The following EBF2 variants were observed in gnomAD, a reference collection of about 807,000 sequenced individuals.
EBF2 encodes transcription factor COE2.
A neutral mutation model predicts 72.8 loss-of-function variants in EBF2; 21 were observed. The ratio of observed to expected loss-of-function variants is 0.29; its 90% CI spans 0.20 to 0.42. The LOEUF is 0.42. Among genes scored for constraint, EBF2 ranks in the 10% least tolerant of loss-of-function variants. EBF2 has a pLI of 1.00. For synonymous variants in EBF2, 299 were observed against 274.2 expected, an observed-to-expected ratio of 1.09 and a Z score of -0.89; for missense variants, 637 against 731.2, an observed-to-expected ratio of 0.87 and a Z score of 1.49.
In EBF2 at chr8:25,982,256, C is replaced by T. The variant is rs190907646; in HGVS notation, c.551+50829G>A. Among the ~76,000 whole-genome samples the T allele has an allele frequency of 2.3e-4, 35 of 152,346 alleles. No homozygotes were observed. In the East Asian group the frequency reaches 5.2e-3, roughly 23 times the overall value. On this transcript the variant is annotated intron_variant, in intron 6 of 15. Coordinates refer to ENST00000520164, the MANE Select transcript of EBF2 (RefSeq NM_022659.4). ...CAATTCTGTGAGCTATTCCTTCAGA[C>T]ATTTGCTAAATGGGAAGTGGTGAGA...
At chr8:25,846,369 A>G (rs554478469) in intron 15 of EBF2, among the ~76,000 whole-genome samples, 1 of 152,158 alleles carries the variant, frequency 6.6e-6, no homozygotes, top group South Asian at 2.1e-4. Context: ...CTGTATGTGG[A>G]GCTCTCTGGC....
intron 7 of EBF2, among the ~76,000 whole-genome samples, chr8:25,895,561 C>T (rs1489562100): frequency 2.6e-5 from 4 of 152,294 alleles, no homozygotes; most frequent in South Asian, 4.1e-4. Context: ...TCTACAAGTA[C>T]GTTAGCAGTC....
chr8:25,933,251 C>T (rs187614309), intron 6 of EBF2, among the ~76,000 whole-genome samples: 1 of 152,312 alleles, frequency 6.6e-6, no homozygotes, highest in Non-Finnish European at 1.5e-5. Context: ...TAGGACATTG[C>T]TGGACTCTGA....
intron 6 of EBF2, among the ~76,000 whole-genome samples, chr8:25,919,267 C>T (rs934153840): frequency 1.3e-5 from 2 of 152,060 alleles, no homozygotes; most frequent in African/African-American, 4.8e-5. Context: ...AAATTCAGAG[C>T]AGGGTGGGAA....
At chr8:26,026,701 T>C (rs774728801) in intron 6 of EBF2, among the ~76,000 whole-genome samples, 7 of 152,184 alleles carry the variant, frequency 4.6e-5, no homozygotes, top group Non-Finnish European at 1.0e-4. Flanking sequence ...CCCCCTCCAG[T>C]GTTCCTATCA....
chr8:25,984,681 C>CA lies in EBF2; in HGVS notation c.551+48403dup, dbSNP rs200616204. ...TGGGCGACAGAGCAAGACTCCATCT[C>CA]AAAAAAAAAAAAGACCCATTTGCCT... On this transcript the variant is annotated intron_variant, in intron 6 of 15. Coordinates refer to ENST00000520164, the MANE Select transcript of EBF2 (RefSeq NM_022659.4). Among the ~76,000 whole-genome samples, 315 of 141,334 alleles carry CA rather than the reference C, an allele frequency of 2.2e-3. 3 individuals carry two copies. The highest frequency in any genetic ancestry group is 6.0e-3 in the African/African-American group (232 of 38,438). The allele number at this position is 141,334 out of a possible 152,430, so 92.7% of individuals were successfully genotyped here. A position where few individuals can be genotyped will look rare whatever the true frequency, so the allele number is the denominator to read the frequency against.
At chr8:26,036,732 A>G (rs1353623980) in intron 5 of EBF2, among the ~76,000 whole-genome samples, 1 of 152,150 alleles carries the variant, frequency 6.6e-6, no homozygotes, top group Non-Finnish European at 1.5e-5. Flanking sequence ...AATTACTCAG[A>G]TGATAAACTC....
intron 6 of EBF2, among the ~76,000 whole-genome samples, chr8:25,948,456 G>A (rs1025352048): frequency 5.9e-5 from 9 of 152,154 alleles, no homozygotes; most frequent in African/African-American, 1.9e-4. Flanking sequence ...TGCCTGGTGA[G>A]GGATGGGCCC....
chr8:25,870,642 C>G (rs925275107), intron 10 of EBF2, among the ~76,000 whole-genome samples: 2 of 152,100 alleles, frequency 1.3e-5, no homozygotes, highest in African/African-American at 4.8e-5. Context: ...CCATTGTTCT[C>G]CCAACCAGAT....
intron 6 of EBF2, among the ~76,000 whole-genome samples, chr8:25,913,728 G>A (rs1360044642): frequency 6.6e-6 from 1 of 152,146 alleles, no homozygotes; most frequent in Admixed American, 6.5e-5. Flanking sequence ...TGCCATGATG[G>A]TCACATAAGC....
chr8:25,868,977 T>C (rs1802383185), intron 10 of EBF2, among the ~76,000 whole-genome samples: 1 of 152,234 alleles, frequency 6.6e-6, no homozygotes, highest in African/African-American at 2.4e-5. Flanking sequence ...AGATTTTCTA[T>C]GTTCTATATT....
At chr8:25,867,969 G>A (rs150102876) in intron 10 of EBF2, among the ~76,000 whole-genome samples, 7 of 152,170 alleles carry the variant, frequency 4.6e-5, no homozygotes, top group Non-Finnish European at 4.4e-5. Flanking sequence ...ATTTCTAACC[G>A]ATCTAGAGTT....
At chr8:25,875,763 C>A (rs999853494) in intron 10 of EBF2, among the ~76,000 whole-genome samples, 2 of 152,178 alleles carry the variant, frequency 1.3e-5, no homozygotes, top group Non-Finnish European at 2.9e-5. Flanking sequence ...GCAACAGCCT[C>A]ATAAGCAGAA....
At chr8:25,992,695 G>A (rs927450911) in intron 6 of EBF2, among the ~76,000 whole-genome samples, 2 of 151,490 alleles carry the variant, frequency 1.3e-5, no homozygotes, top group Non-Finnish European at 2.9e-5. Flanking sequence ...TTGAGCTCAG[G>A]AGTTCGAGAC....
intron 6 of EBF2, among the ~76,000 whole-genome samples, chr8:26,006,982 A>T (rs1270770100): frequency 6.6e-6 from 1 of 152,212 alleles, no homozygotes; most frequent in Non-Finnish European, 1.5e-5. Context: ...AACAGAAGGG[A>T]TAAATAAGTT....
intron 1 of EBF2, among the ~76,000 whole-genome samples, chr8:26,043,690 G>T (rs535398777): frequency 2.6e-5 from 4 of 152,354 alleles, no homozygotes; most frequent in African/African-American, 9.6e-5. Flanking sequence ...CACCTGGCCA[G>T]TTTGGGAAAG....
chr8:25,928,957 T>C (rs1803436242), intron 6 of EBF2, among the ~76,000 whole-genome samples: 1 of 152,072 alleles, frequency 6.6e-6, no homozygotes, highest in Non-Finnish European at 1.5e-5. Context: ...TTAAACAAAA[T>C]CTCATGTATT....
At chr8:25,959,700 C>T (rs1357033695) in intron 6 of EBF2, among the ~76,000 whole-genome samples, 2 of 152,124 alleles carry the variant, frequency 1.3e-5, no homozygotes, top group Non-Finnish European at 2.9e-5. Context: ...TGCCCCAGGT[C>T]CTGATGTGTC....
chr8:25,885,796 A>G (rs189633419), intron 10 of EBF2, among the ~76,000 whole-genome samples: 31 of 152,276 alleles, frequency 2.0e-4, no homozygotes, highest in Middle Eastern at 3.4e-3. Flanking sequence ...TGGAACTATG[A>G]GTCCATTGAA....
Sources: allele counts gnomAD v4.1 joint callset (sites outside exome capture counted in the v4.1 genomes callset), GRCh38; gene constraint gnomAD v4.1.1; transcripts MANE v1.5; gene names NCBI Gene and HGNC (gene_info 2026-07-23, HGNC 2026-07-21).